The following HS6ST3 variants were observed in gnomAD, a reference collection of about 807,000 sequenced individuals.
The protein encoded by HS6ST3 is heparan-sulfate 6-O-sulfotransferase 3.
A neutral mutation model predicts 36.7 loss-of-function variants in HS6ST3; 12 were observed. The observed-to-expected ratio is 0.33, with a 90% confidence interval of 0.21 to 0.53. HS6ST3 has a LOEUF of 0.53. HS6ST3 is among the 20% of genes least tolerant of loss of function. The pLI is 0.95. For synonymous variants in HS6ST3, 240 were observed against 257.5 expected, an observed-to-expected ratio of 0.93 and a Z score of 0.65; for missense variants, 584 against 640.9, an observed-to-expected ratio of 0.91 and a Z score of 0.96.
intron 1 of HS6ST3, among the ~76,000 whole-genome samples, chr13:96,289,694 A>G (rs1443297187): frequency 2.0e-5 from 3 of 152,206 alleles, no homozygotes; most frequent in Non-Finnish European, 2.9e-5. Context: ...GCTATTAAAG[A>G]AAACACTTTT....
chr13:96,804,045 T>TG (rs1193096798), intron 1 of HS6ST3, among the ~76,000 whole-genome samples: 1 of 151,826 alleles, frequency 6.6e-6, no homozygotes, highest in Non-Finnish European at 1.5e-5. Context: ...GACAGGGATC[T>TG]GGGGGTAGCA....
intron 1 of HS6ST3, among the ~76,000 whole-genome samples, chr13:96,484,833 C>A (rs536013302): frequency 5.9e-5 from 9 of 152,218 alleles, no homozygotes; most frequent in African/African-American, 2.2e-4. Context: ...CTCTACCATA[C>A]TGATTTCATT....
At chr13:96,431,746 A>G (rs1168817306) in intron 1 of HS6ST3, among the ~76,000 whole-genome samples, 2 of 152,186 alleles carry the variant, frequency 1.3e-5, no homozygotes, top group East Asian at 3.8e-4. Flanking sequence ...GGCAATCACT[A>G]TTTGTCCAAT....
chr13:96,753,669 C>T (rs190351675), intron 1 of HS6ST3, among the ~76,000 whole-genome samples: 404 of 151,876 alleles, frequency 2.7e-3, no homozygotes, highest in Non-Finnish European at 4.7e-3. Context: ...TTTTTCTGTT[C>T]CAGTGTTTGT....
intron 1 of HS6ST3, among the ~76,000 whole-genome samples, chr13:96,269,917 G>T (rs778173033): frequency 2.0e-5 from 3 of 151,942 alleles, no homozygotes; most frequent in Non-Finnish European, 4.4e-5. Flanking sequence ...GCCACTTGGA[G>T]AATCAGCTGA....
intron 1 of HS6ST3, among the ~76,000 whole-genome samples, chr13:96,301,752 C>A (rs1386554664): frequency 2.0e-5 from 3 of 151,104 alleles, no homozygotes; most frequent in East Asian, 1.9e-4. Context: ...AACAAACAAA[C>A]AAAAAAAATT....
At position 96,099,053 on chromosome 13, in the gene HS6ST3, C is replaced by T. The variant is rs547985888; in HGVS notation, c.707+7484C>T. On this transcript the variant is annotated intron_variant, in intron 1 of 1. Transcript: ENST00000376705. ...CCGCCTCACAGGTTCAAGCAATTCT[C>T]CTGCCTCAGCCTCCCGAGTAGCTGG... Among the ~76,000 whole-genome samples, 3 of 152,256 alleles carry T rather than the reference C, an allele frequency of 2.0e-5. No homozygotes were observed. The East Asian group carries it at 5.8e-4, about 29-fold the overall frequency.
chr13:96,827,791 C>T (rs1878681511), intron 1 of HS6ST3, among the ~76,000 whole-genome samples: 1 of 152,116 alleles, frequency 6.6e-6, no homozygotes, highest in African/African-American at 2.4e-5. Flanking sequence ...CATTTTAAGC[C>T]TAAACCAGTT....
chr13:96,146,991 C>T (rs1287308202), intron 1 of HS6ST3, among the ~76,000 whole-genome samples: 1 of 152,100 alleles, frequency 6.6e-6, no homozygotes, highest in Non-Finnish European at 1.5e-5. Context: ...ATTGTATTTT[C>T]CAGGTAAGGA....
chr13:96,385,224 G>A (rs1176398348), intron 1 of HS6ST3, among the ~76,000 whole-genome samples: 9 of 149,182 alleles, frequency 6.0e-5, no homozygotes, highest in African/African-American at 1.7e-4. Context: ...ATTAAAATAA[G>A]TTTTCCAAGT....
chr13:96,358,032 G>A (rs1039656927), intron 1 of HS6ST3, among the ~76,000 whole-genome samples: 1 of 152,126 alleles, frequency 6.6e-6, no homozygotes, highest in African/African-American at 2.4e-5. Context: ...AAGCAGGGTT[G>A]CCACACACCT....
At chr13:96,430,129 G>A (rs932636207) in intron 1 of HS6ST3, among the ~76,000 whole-genome samples, 2 of 152,162 alleles carry the variant, frequency 1.3e-5, no homozygotes, top group African/African-American at 2.4e-5. Context: ...TACAGGCTTT[G>A]AGTTCTAATT....
chr13:96,140,707 A>G (rs1264640614), intron 1 of HS6ST3, among the ~76,000 whole-genome samples: 1 of 152,248 alleles, frequency 6.6e-6, no homozygotes, highest in Non-Finnish European at 1.5e-5. Context: ...CTAGAAGGTG[A>G]GAAAACCTTG....
chr13:96,773,669 A>G (rs1481017947), intron 1 of HS6ST3, among the ~76,000 whole-genome samples: 1 of 152,188 alleles, frequency 6.6e-6, no homozygotes, highest in African/African-American at 2.4e-5. Flanking sequence ...GAAAGGCAGC[A>G]TCCCCAGTCA....
chr13:96,528,889 G>A (rs1252305980), intron 1 of HS6ST3, among the ~76,000 whole-genome samples: 1 of 151,858 alleles, frequency 6.6e-6, no homozygotes, highest in Non-Finnish European at 1.5e-5. Context: ...CTTTTTTTAG[G>A]CCAGACAGTA....
chr13:96,651,129 C>A (rs543005675), intron 1 of HS6ST3, among the ~76,000 whole-genome samples: 1 of 152,062 alleles, frequency 6.6e-6, no homozygotes, highest in South Asian at 2.1e-4. Context: ...TTTGAAAATT[C>A]TTTCCTTCTA....
At chr13:96,289,908 G>A (rs572409909) in intron 1 of HS6ST3, among the ~76,000 whole-genome samples, 3 of 152,220 alleles carry the variant, frequency 2.0e-5, no homozygotes, top group African/African-American at 2.4e-5. Flanking sequence ...AGAACATGAC[G>A]TGTTACTGCT....
intron 1 of HS6ST3, among the ~76,000 whole-genome samples, chr13:96,461,555 C>G (rs2055784321): frequency 6.6e-6 from 1 of 152,088 alleles, no homozygotes; most frequent in Admixed American, 6.6e-5. Context: ...CAAAGACTGA[C>G]AAAAATATAT....
intron 1 of HS6ST3, among the ~76,000 whole-genome samples, chr13:96,464,819 A>G (rs2055803851): frequency 6.6e-6 from 1 of 152,100 alleles, no homozygotes; most frequent in Non-Finnish European, 1.5e-5. Flanking sequence ...TCATTGATAT[A>G]TTGATTTTAG....
Sources: allele counts gnomAD v4.1 joint callset (sites outside exome capture counted in the v4.1 genomes callset), GRCh38; gene constraint gnomAD v4.1.1; transcripts MANE v1.5; gene names NCBI Gene and HGNC (gene_info 2026-07-23, HGNC 2026-07-21).